The following LINGO2 variants were observed in gnomAD, a reference collection of about 807,000 sequenced individuals.
The protein encoded by LINGO2 is leucine rich repeat and Ig domain containing 2, also known as leucine-rich repeat and immunoglobulin-like domain-containing nogo receptor-interacting protein 2.
LINGO2 carries 14 observed loss-of-function variants against 30.6 expected under a neutral mutation model. The ratio of observed to expected loss-of-function variants is 0.46; its 90% CI spans 0.30 to 0.72. The LOEUF (loss-of-function observed/expected upper bound fraction) is 0.72, where lower values mean the gene tolerates loss of function less well. Among genes scored for constraint, LINGO2 ranks in the 30% least tolerant of loss-of-function variants. The probability of loss-of-function intolerance (pLI) is 0.07; values close to 1 mark genes in which losing one functional copy is unlikely to be tolerated. For synonymous variants in LINGO2, 317 were observed against 288.5 expected, an observed-to-expected ratio of 1.10 and a Z score of -1.00; for missense variants, 729 against 751.7, an observed-to-expected ratio of 0.97 and a Z score of 0.35.
At chr9:27,944,650 G>T (rs151298995), downstream of LINGO2, among the ~76,000 whole-genome samples, 3 of 152,252 alleles carry the variant, frequency 2.0e-5, no homozygotes, top group East Asian at 5.8e-4. Context: ...TGCTCCCAAA[G>T]CCAACGGTGG....
At chr9:28,989,446 C>T in the LINGO2 span, among the ~76,000 whole-genome samples, 1 of 152,172 alleles carries the variant, frequency 6.6e-6, no homozygotes, top group African/African-American at 2.4e-5. Context: ...CTGGTAGTGA[C>T]TGAATATGAC....
At chr9:28,678,603 T>C in the LINGO2 span, among the ~76,000 whole-genome samples, 1 of 152,126 alleles carries the variant, frequency 6.6e-6, no homozygotes, top group Non-Finnish European at 1.5e-5. Flanking sequence ...TTTCCTTATC[T>C]AGAAAATCAG....
At chr9:28,361,354 G>C (rs890041574) in intron 3 of LINGO2, among the ~76,000 whole-genome samples, 2 of 152,226 alleles carry the variant, frequency 1.3e-5, no homozygotes, top group African/African-American at 4.8e-5. Context: ...GAAAAACATA[G>C]AGTTCGATAT....
At chr9:28,468,370 T>A (rs1825393518) in intron 2 of LINGO2, among the ~76,000 whole-genome samples, 1 of 152,080 alleles carries the variant, frequency 6.6e-6, no homozygotes, top group Non-Finnish European at 1.5e-5. Flanking sequence ...CTCTCCTTAC[T>A]TGGAACTCAG....
chr9:28,074,797 A>G (rs1305936139), intron 4 of LINGO2, among the ~76,000 whole-genome samples: 1 of 152,148 alleles, frequency 6.6e-6, no homozygotes, highest in Non-Finnish European at 1.5e-5. Flanking sequence ...TTACTAAAAG[A>G]AGATTTATAA....
chr9:28,220,334 G>C (rs1192888672), intron 4 of LINGO2, among the ~76,000 whole-genome samples: 1 of 151,986 alleles, frequency 6.6e-6, no homozygotes, highest in Non-Finnish European at 1.5e-5. Context: ...GTATAATACT[G>C]GCTTTCAGAA....
chr9:28,837,183 T>C, the LINGO2 span, among the ~76,000 whole-genome samples: 1 of 152,218 alleles, frequency 6.6e-6, no homozygotes, highest in Non-Finnish European at 1.5e-5. Flanking sequence ...CTCAAAAGAC[T>C]GAATATCAGA....
the LINGO2 span, among the ~76,000 whole-genome samples, chr9:29,034,015 GAGGTTGC>G: frequency 6.6e-6 from 1 of 151,890 alleles, no homozygotes; most frequent in African/African-American, 2.4e-5. Flanking sequence ...CCAGGTGGTG[GAGGTTGC>G]AGTGAGCTCA....
chr9:27,994,156 T>G (rs1821538251), intron 5 of LINGO2, among the ~76,000 whole-genome samples: 1 of 151,888 alleles, frequency 6.6e-6, no homozygotes. Flanking sequence ...AAAGTAGTAC[T>G]AAACGGAAAT....
At chr9:28,591,031 C>G (rs62560669) in intron 1 of LINGO2, among the ~76,000 whole-genome samples, 27,538 of 151,866 alleles carry the variant, frequency 0.18, 2,846 homozygotes, top group Admixed American at 0.29. Flanking sequence ...AGCTGGAAAC[C>G]ATCATTCTCA....
chr9:28,005,075 A>G (rs142747719), intron 5 of LINGO2, among the ~76,000 whole-genome samples: 1,789 of 152,320 alleles, frequency 0.012, 20 homozygotes, highest in Middle Eastern at 0.037. Flanking sequence ...TGAAAGTGGC[A>G]GGATACAGTT....
At chr9:28,315,456 A>G (rs529898412) in intron 3 of LINGO2, among the ~76,000 whole-genome samples, 1 of 151,564 alleles carries the variant, frequency 6.6e-6, no homozygotes, top group African/African-American at 2.4e-5. Context: ...GTGACTTTCC[A>G]TAGGACAAAT....
At chr9:28,666,652 G>A (rs1186208314) in intron 1 of LINGO2, among the ~76,000 whole-genome samples, 2 of 152,156 alleles carry the variant, frequency 1.3e-5, no homozygotes, top group Non-Finnish European at 2.9e-5. Context: ...ATGGCATCAT[G>A]TGGTGAGCAG....
intron 2 of LINGO2, among the ~76,000 whole-genome samples, chr9:28,463,148 G>A (rs555410628): frequency 1.5e-4 from 23 of 150,896 alleles, no homozygotes; most frequent in African/African-American, 5.3e-4. Flanking sequence ...AAATTTTATT[G>A]TTTCACAAGT....
rs57124612 is a variant in LINGO2, at chr9:28,189,693, A to G, written c.-87+105515T>C. 4.3e-3 allele frequency among the ~76,000 whole-genome samples: 134 copies of G among 31,150 alleles called. 14 individuals are homozygous for G. The highest frequency in any genetic ancestry group is 0.025 in the East Asian group (27 of 1,066). 20.4% of individuals were successfully genotyped at this position (31,150 alleles called of 152,430 possible). A position where few individuals can be genotyped will look rare whatever the true frequency, so the allele number is the denominator to read the frequency against. On this transcript the variant is annotated intron_variant, in intron 4 of 5. Transcript: ENST00000379992. ...GGAGGAAGGAAGGAAGGGAGGAAGG[A>G]AGGGAGGGAGGAAGGAAGGAAGGAA...
At chr9:29,039,847 C>T in the LINGO2 span, among the ~76,000 whole-genome samples, 842 of 152,138 alleles carry the variant, frequency 5.5e-3, 9 homozygotes, top group African/African-American at 0.019. Context: ...AGCACAGCAA[C>T]GGTAGGACAG....
chr9:29,203,202 T>A, the LINGO2 span, among the ~76,000 whole-genome samples: 1 of 152,172 alleles, frequency 6.6e-6, no homozygotes, highest in South Asian at 2.1e-4. Context: ...AAAGAAGGGG[T>A]AATGGACTAC....
At chr9:28,301,087 A>T (rs957224363) in intron 3 of LINGO2, among the ~76,000 whole-genome samples, 15 of 152,170 alleles carry the variant, frequency 9.9e-5, no homozygotes, top group Non-Finnish European at 1.9e-4. Flanking sequence ...CTCAGAGCCA[A>T]GTGTATCTCT....
chr9:28,833,861 A>G, the LINGO2 span, among the ~76,000 whole-genome samples: 6 of 152,176 alleles, frequency 3.9e-5, no homozygotes, highest in Admixed American at 6.5e-5. Flanking sequence ...CATTTCTTCC[A>G]TCTTTCCAAT....
Sources: allele counts gnomAD v4.1 joint callset (sites outside exome capture counted in the v4.1 genomes callset), GRCh38; gene constraint gnomAD v4.1.1; transcripts MANE v1.5; gene names NCBI Gene and HGNC (gene_info 2026-07-23, HGNC 2026-07-21).